FSTL4: variants seen among roughly 807,000 people sequenced by gnomAD.
The protein encoded by FSTL4 is follistatin-related protein 4.
A neutral mutation model predicts 78.2 loss-of-function variants in FSTL4; 28 were observed. That is an observed-to-expected ratio of 0.36 (90% CI 0.27 to 0.49). The LOEUF (loss-of-function observed/expected upper bound fraction) is 0.49. Among genes scored for constraint, FSTL4 ranks in the 20% least tolerant of loss-of-function variants. The probability of loss-of-function intolerance (pLI) is 0.98; values close to 1 mark genes in which losing one functional copy is unlikely to be tolerated. For synonymous variants in FSTL4, 422 were observed against 440.5 expected (o/e 0.96, Z 0.53); for missense variants, 922 against 1,084.9 (o/e 0.85, Z 2.11).
At chr5:133,751,042 C>T in the FSTL4 span, among the ~76,000 whole-genome samples, 1 of 152,112 alleles carries the variant, frequency 6.6e-6, no homozygotes. Context: ...TATCAAGGCC[C>T]TCCCATCCTT....
At chr5:133,465,670 G>A (rs963695044) in intron 3 of FSTL4, among the ~76,000 whole-genome samples, 4 of 152,214 alleles carry the variant, frequency 2.6e-5, no homozygotes, top group Non-Finnish European at 4.4e-5. Flanking sequence ...TCACTGTCCT[G>A]GTAAGGGAGC....
intron 3 of FSTL4, among the ~76,000 whole-genome samples, chr5:133,421,750 G>A (rs1756701649): frequency 1.3e-5 from 2 of 152,138 alleles, no homozygotes; most frequent in African/African-American, 4.8e-5. Flanking sequence ...GCTGCTTTGG[G>A]TGGGCATCAT....
intron 3 of FSTL4, among the ~76,000 whole-genome samples, chr5:133,429,013 C>T (rs953291639): frequency 2.6e-5 from 4 of 152,172 alleles, no homozygotes; most frequent in African/African-American, 9.7e-5. Flanking sequence ...TCTTCCTGGC[C>T]CTAGTAGTGG....
At chr5:133,515,698 CA>C (rs1348494717) in intron 3 of FSTL4, among the ~76,000 whole-genome samples, 1 of 146,322 alleles carries the variant, frequency 6.8e-6, no homozygotes, top group Non-Finnish European at 1.5e-5. Context: ...TAAAAAAAAG[CA>C]AAACGTACAA....
At chr5:133,479,358 TG>T (rs1379039885) in intron 3 of FSTL4, among the ~76,000 whole-genome samples, 4 of 152,244 alleles carry the variant, frequency 2.6e-5, no homozygotes, top group African/African-American at 9.6e-5. Flanking sequence ...CAGACTCCAC[TG>T]ATGATGTCTA....
At chr5:133,616,840 T>C (rs1330803692), upstream of FSTL4, among the ~76,000 whole-genome samples, 1 of 152,220 alleles carries the variant, frequency 6.6e-6, no homozygotes, top group South Asian at 2.1e-4. Flanking sequence ...TAGGCCACCC[T>C]AGATCTGAGC....
intron 3 of FSTL4, among the ~76,000 whole-genome samples, chr5:133,564,875 T>G (rs1759994021): frequency 6.6e-6 from 1 of 152,204 alleles, no homozygotes; most frequent in African/African-American, 2.4e-5. Flanking sequence ...GGACTCGATT[T>G]CCACTGCTAA....
intron 4 of FSTL4, among the ~76,000 whole-genome samples, chr5:133,341,707 C>G (rs978620844): frequency 3.3e-5 from 5 of 152,198 alleles, no homozygotes; most frequent in Non-Finnish European, 5.9e-5. Context: ...TCCTGCCAGG[C>G]CCACCTTGAA....
At chr5:133,608,738 G>A (rs1761025518) in intron 1 of FSTL4, among the ~76,000 whole-genome samples, 1 of 152,156 alleles carries the variant, frequency 6.6e-6, no homozygotes, top group South Asian at 2.1e-4. Context: ...AATTACAGAG[G>A]TATTACAGGT....
At chr5:133,762,509 A>G in the FSTL4 span, among the ~76,000 whole-genome samples, 1 of 152,230 alleles carries the variant, frequency 6.6e-6, no homozygotes, top group Admixed American at 6.5e-5. Context: ...GGCCCTGTAT[A>G]TCAGTTGGAA....
intron 3 of FSTL4, among the ~76,000 whole-genome samples, chr5:133,464,216 T>C (rs1757654054): frequency 6.6e-6 from 1 of 152,192 alleles, no homozygotes; most frequent in South Asian, 2.1e-4. Flanking sequence ...AGCCCTGCCT[T>C]TGCTCTATCT....
chr5:133,670,942 C>T, the FSTL4 span, among the ~76,000 whole-genome samples: 1 of 152,158 alleles, frequency 6.6e-6, no homozygotes, highest in Admixed American at 6.5e-5. Flanking sequence ...GACCTGGATT[C>T]CATCTCCAGA....
chr5:133,443,409 G>A (rs952283338), intron 3 of FSTL4, among the ~76,000 whole-genome samples: 6 of 152,350 alleles, frequency 3.9e-5, no homozygotes, highest in South Asian at 2.1e-4. Context: ...TAGTGTTGGC[G>A]CAACTCATTC....
chr5:133,779,725 C>A, the FSTL4 span, among the ~76,000 whole-genome samples: 1 of 152,348 alleles, frequency 6.6e-6, no homozygotes, highest in South Asian at 2.1e-4. Context: ...ATGACCCAGG[C>A]CCTGCCTAAC....
At chr5:133,744,452 G>C in the FSTL4 span, among the ~76,000 whole-genome samples, 4 of 152,126 alleles carry the variant, frequency 2.6e-5, no homozygotes, top group Non-Finnish European at 5.9e-5. Context: ...GTGCCGCATG[G>C]TGCTGCAGAC....
chr5:133,497,955 C>A (rs1344676302), intron 3 of FSTL4, among the ~76,000 whole-genome samples: 1 of 152,162 alleles, frequency 6.6e-6, no homozygotes, highest in Admixed American at 6.5e-5. Context: ...GAAGGCCCAG[C>A]TCTGTGCACT....
chr5:133,258,389 C>A (rs931667916), intron 6 of FSTL4, among the ~76,000 whole-genome samples: 1 of 152,146 alleles, frequency 6.6e-6, no homozygotes, highest in Non-Finnish European at 1.5e-5. Flanking sequence ...GAGGGCAGGC[C>A]TCATCCAATT....
the FSTL4 span, among the ~76,000 whole-genome samples, chr5:133,622,229 A>G: frequency 6.6e-6 from 1 of 152,188 alleles, no homozygotes. Context: ...ATGTGTCAAT[A>G]GTTTTGCTCC....
chr5:133,652,972 C>T, the FSTL4 span, among the ~76,000 whole-genome samples: 1 of 152,012 alleles, frequency 6.6e-6, no homozygotes, highest in South Asian at 2.1e-4. Context: ...ATCCTATGTC[C>T]CTGCCAGGAC....
Sources: gnomAD v4.1 joint callset for allele counts (sites outside exome capture counted in the v4.1 genomes callset) on GRCh38, gnomAD v4.1.1 for gene constraint, MANE v1.5 for transcripts, NCBI Gene and HGNC (gene_info 2026-07-23, HGNC 2026-07-21) for gene names.